LRP5: variants seen among roughly 807,000 people sequenced by gnomAD.
The protein encoded by LRP5 is LDL receptor related protein 5.
Under a neutral mutation model 154.1 loss-of-function variants are expected in LRP5, and 62 were observed. That is an observed-to-expected ratio of 0.40 (90% confidence interval 0.33 to 0.50). LRP5 has a LOEUF of 0.50. LRP5 is among the 20% of genes least tolerant of loss of function. The pLI is 0.55. For synonymous variants in LRP5, 966 were observed against 1,011.5 expected (o/e 0.96, Z 0.85); for missense variants, 1,915 against 2,336.7 (o/e 0.82, Z 3.72).
intron 1 of LRP5, among the ~76,000 whole-genome samples, chr11:68,336,222 A>C (rs1427061353): frequency 1.3e-5 from 2 of 152,206 alleles, no homozygotes; most frequent in East Asian, 3.8e-4. Flanking sequence ...TTGTGTAAGA[A>C]AGCAAAGAAG....
chr11:68,372,733 G>T (rs2098634965), intron 5 of LRP5, among the ~76,000 whole-genome samples: 1 of 152,168 alleles, frequency 6.6e-6, no homozygotes, highest in Non-Finnish European at 1.5e-5. Context: ...TCCTTCGGCG[G>T]TTGTAATCAG....
intron 1 of LRP5, among the ~76,000 whole-genome samples, chr11:68,332,305 G>A (rs1012413140): frequency 6.6e-5 from 10 of 152,194 alleles, no homozygotes; most frequent in African/African-American, 2.2e-4. Flanking sequence ...TCAGCAGCTC[G>A]CTCATTCTTG....
chr11:68,315,840 C>T (rs978692363), intron 1 of LRP5, among the ~76,000 whole-genome samples: 1 of 152,166 alleles, frequency 6.6e-6, no homozygotes, highest in Admixed American at 6.5e-5. Context: ...TTGTGATCCA[C>T]AAGGCAGCGG....
chr11:68,303,256 C>T, the LRP5 span, among the ~76,000 whole-genome samples: 148 of 152,226 alleles, frequency 9.7e-4, no homozygotes, highest in African/African-American at 3.5e-3. Flanking sequence ...CTCAGCCTCC[C>T]GATTAGCTGG....
chr11:68,397,625 G>A (rs77631925), intron 7 of LRP5, among the ~76,000 whole-genome samples: 30 of 148,782 alleles, frequency 2.0e-4, no homozygotes, highest in African/African-American at 6.3e-4. Flanking sequence ...CTGTGCGCTC[G>A]GTTGGCCCGA....
chr11:68,382,223 T>C (rs541897601), intron 5 of LRP5, among the ~76,000 whole-genome samples: 2 of 152,274 alleles, frequency 1.3e-5, no homozygotes, highest in East Asian at 3.9e-4. Context: ...TCCTAAGTAA[T>C]TGGAAGGGAT....
rs188744071 is a variant in LRP5, at chr11:68,374,598, A to G, written c.1015+8896A>G. Among the ~76,000 whole-genome samples the G allele has an allele frequency of 6.6e-5, 10 of 152,316 alleles. No homozygotes were observed. The East Asian group carries it at 1.7e-3, about 26-fold the overall frequency. On this transcript the variant is annotated intron_variant, in intron 5 of 22. Transcript: ENST00000294304. ...CATTTGGATTAACTTTGACAGCTGC[A>G]TATGTCTGCATAACTACCACACGGT...
chr11:68,427,679 C>CAA (rs770310013), intron 16 of LRP5, among the ~76,000 whole-genome samples: 2 of 129,376 alleles, frequency 1.5e-5, no homozygotes, highest in African/African-American at 2.8e-5. Flanking sequence ...GACTCCGTCT[C>CAA]AAAAAAAAAA....
chr11:68,426,412 C>G (rs1314791059), intron 16 of LRP5, among the ~76,000 whole-genome samples: 1 of 149,680 alleles, frequency 6.7e-6, no homozygotes, highest in African/African-American at 2.5e-5. Flanking sequence ...CGTTTTAAGA[C>G]AACACCAACT....
chr11:68,369,526 G>C (rs997599211), intron 5 of LRP5, among the ~76,000 whole-genome samples: 2 of 152,098 alleles, frequency 1.3e-5, no homozygotes, highest in Non-Finnish European at 2.9e-5. Context: ...TGCCTGTCAG[G>C]TGCCTTGCCC....
intron 1 of LRP5, among the ~76,000 whole-genome samples, chr11:68,319,319 C>T (rs554808726): frequency 4.0e-4 from 61 of 152,156 alleles, no homozygotes; most frequent in South Asian, 2.3e-3. Context: ...CTGCCTGCCT[C>T]GGCCTCCCAA....
intron 1 of LRP5, among the ~76,000 whole-genome samples, chr11:68,335,053 A>G (rs924949571): frequency 6.7e-6 from 1 of 149,694 alleles, no homozygotes; most frequent in Non-Finnish European, 1.5e-5. Context: ...GTTTTTGCCA[A>G]CTGTTCGATA....
chr11:68,399,955 C>G (rs587397), intron 7 of LRP5, among the ~76,000 whole-genome samples: 126,138 of 152,182 alleles, frequency 0.83, 53,918 homozygotes, highest in East Asian at 0.98. Context: ...TGGGATTCTG[C>G]GATCTGGGTG....
upstream of LRP5, chr11:68,312,525 T>TGGC (rs1437216216): frequency 1.4e-5 from 2 of 148,016 alleles, no homozygotes; most frequent in Non-Finnish European, 2.9e-5. Flanking sequence ...GGGGCGCGGG[T>TGGC]GGCGGCGGCG....
At chr11:68,346,129 ACT>A (rs1241223596) in intron 1 of LRP5, among the ~76,000 whole-genome samples, 1 of 151,872 alleles carries the variant, frequency 6.6e-6, no homozygotes, top group Non-Finnish European at 1.5e-5. Context: ...TTGCCTTTTT[ACT>A]CTCTCGATAG....
chr11:68,437,406 A>T (rs1187478737), intron 19 of LRP5, among the ~76,000 whole-genome samples: 1 of 152,258 alleles, frequency 6.6e-6, no homozygotes, highest in African/African-American at 2.4e-5. Context: ...ACACACATGT[A>T]CATGACAACA....
At chr11:68,428,754 T>TG (rs994810113) in intron 16 of LRP5, among the ~76,000 whole-genome samples, 4 of 143,492 alleles carry the variant, frequency 2.8e-5, no homozygotes. Context: ...TGTATCTTTC[T>TG]GGGGGGCACT....
chr11:68,321,831 C>T (rs1452499406), intron 1 of LRP5, among the ~76,000 whole-genome samples: 2 of 152,182 alleles, frequency 1.3e-5, no homozygotes, highest in African/African-American at 4.8e-5. Context: ...GAGGCGGTAC[C>T]TGCCTGGCAA....
intron 2 of LRP5, among the ~76,000 whole-genome samples, chr11:68,354,037 C>T (rs1196511284): frequency 6.6e-6 from 1 of 152,162 alleles, no homozygotes; most frequent in Non-Finnish European, 1.5e-5. Flanking sequence ...GGAGGAGTCC[C>T]CGGCCTGTAC....
Sources: gnomAD v4.1 joint callset for allele counts (sites outside exome capture counted in the v4.1 genomes callset) on GRCh38, gnomAD v4.1.1 for gene constraint, MANE v1.5 for transcripts, NCBI Gene and HGNC (gene_info 2026-07-23, HGNC 2026-07-21) for gene names.